Variants in ATRNL1 observed in about 807,000 individuals in gnomAD.
ATRNL1 encodes attractin like 1, also known as attractin-like protein 1.
Under a neutral mutation model 182.7 loss-of-function variants are expected in ATRNL1, and 95 were observed. The ratio of observed to expected loss-of-function variants is 0.52; its 90% CI spans 0.44 to 0.62. The LOEUF (loss-of-function observed/expected upper bound fraction) is 0.62, where lower values mean the gene tolerates loss of function less well. Among genes scored for constraint, ATRNL1 ranks in the 20% least tolerant of loss-of-function variants. ATRNL1 has a pLI of 0.00. For synonymous variants in ATRNL1, 576 were observed against 568.3 expected (o/e 1.01, Z -0.19); for missense variants, 1,471 against 1,679.5 (o/e 0.88, Z 2.17).
At chr10:115,205,362 G>T (rs782038762) in intron 8 of ATRNL1, among the ~76,000 whole-genome samples, 18 of 151,550 alleles carry the variant, frequency 1.2e-4, no homozygotes, top group Non-Finnish European at 1.8e-4. Flanking sequence ...TTATCAATAT[G>T]CTTGGATTTA....
At chr10:115,652,228 G>T (rs1860057275) in intron 26 of ATRNL1, among the ~76,000 whole-genome samples, 1 of 145,676 alleles carries the variant, frequency 6.9e-6, no homozygotes, top group African/African-American at 2.4e-5. Flanking sequence ...CATTGTTGTT[G>T]TTGTTATTTT....
chr10:115,445,430 CAAAAAAAAAA>C (rs34068379), intron 21 of ATRNL1, among the ~76,000 whole-genome samples: 2 of 26,128 alleles, frequency 7.7e-5, no homozygotes, highest in East Asian at 3.0e-3. Flanking sequence ...GATTTCGCCT[CAAAAAAAAAA>C]AAAAAAAAAA....
intron 1 of ATRNL1, among the ~76,000 whole-genome samples, chr10:115,097,391 C>A (rs1197354676): frequency 6.6e-6 from 1 of 152,124 alleles, no homozygotes; most frequent in East Asian, 1.9e-4. Flanking sequence ...GAGAGTGAGG[C>A]GGAAGAATTC....
chr10:115,613,720 G>T (rs1555019814), intron 26 of ATRNL1, among the ~76,000 whole-genome samples: 1 of 151,870 alleles, frequency 6.6e-6, no homozygotes, highest in South Asian at 2.1e-4. Context: ...ATATGTTTGG[G>T]TTTTCTATTT....
At chr10:115,125,414 C>T (rs1334822024) in intron 3 of ATRNL1, among the ~76,000 whole-genome samples, 1 of 151,962 alleles carries the variant, frequency 6.6e-6, no homozygotes, top group Non-Finnish European at 1.5e-5. Context: ...CTTGCTTGTA[C>T]ACCACACTAA....
At chr10:115,286,431 T>C in intron 15 of ATRNL1, 34 bp downstream of exon 15, 1 of 1,302,920 alleles carries the variant, frequency 7.7e-7, no homozygotes, top group Non-Finnish European at 1.0e-6. Flanking sequence ...TATGGAAATA[T>C]GCTATGATAA....
intron 28 of ATRNL1, among the ~76,000 whole-genome samples, chr10:115,856,691 C>T (rs1951197344): frequency 6.6e-6 from 1 of 152,072 alleles, no homozygotes; most frequent in Non-Finnish European, 1.5e-5. Flanking sequence ...AGATCCCTCA[C>T]ATGCGCAGTT....
intron 28 of ATRNL1, among the ~76,000 whole-genome samples, chr10:115,913,320 C>A (rs1412608606): frequency 6.6e-6 from 1 of 152,154 alleles, no homozygotes; most frequent in Non-Finnish European, 1.5e-5. Flanking sequence ...CCACACCAGC[C>A]CCCAAAGGTG....
chr10:115,138,146 T>C (rs782223018), intron 5 of ATRNL1, among the ~76,000 whole-genome samples: 24 of 152,324 alleles, frequency 1.6e-4, no homozygotes, highest in Non-Finnish European at 2.5e-4. Context: ...TGGGCTCCCA[T>C]GGTCTTGGGC....
chr10:115,456,882 C>T (rs1383742666), intron 21 of ATRNL1, among the ~76,000 whole-genome samples: 2 of 152,060 alleles, frequency 1.3e-5, no homozygotes, highest in African/African-American at 4.8e-5. Context: ...TGTAGTTCAG[C>T]AAGTGGGAGG....
intron 25 of ATRNL1, among the ~76,000 whole-genome samples, chr10:115,527,449 A>G (rs1176668631): frequency 1.3e-5 from 2 of 152,100 alleles, no homozygotes; most frequent in Non-Finnish European, 1.5e-5. Flanking sequence ...GGTTGGCACA[A>G]TGGAGTTATT....
chr10:115,202,056 G>T (rs12244755), intron 8 of ATRNL1, among the ~76,000 whole-genome samples: 3,627 of 151,762 alleles, frequency 0.024, 143 homozygotes, highest in African/African-American at 0.083. Context: ...GTATAAGAAT[G>T]CTTGTGATTT....
chr10:115,150,714 AT>A (rs1243831704), intron 5 of ATRNL1, among the ~76,000 whole-genome samples: 1 of 151,490 alleles, frequency 6.6e-6, no homozygotes, highest in Non-Finnish European at 1.5e-5. Flanking sequence ...TGATTTTTAA[AT>A]TTTTTTTGAA....
At chr10:115,488,480 T>G (rs889566954) in intron 24 of ATRNL1, among the ~76,000 whole-genome samples, 1 of 152,230 alleles carries the variant, frequency 6.6e-6, no homozygotes, top group East Asian at 1.9e-4. Context: ...ATTTATCCAT[T>G]TCTTCTAGAT....
intron 27 of ATRNL1, among the ~76,000 whole-genome samples, chr10:115,843,370 T>G (rs11813390): frequency 0.062 from 9,444 of 152,040 alleles, 976 homozygotes; most frequent in African/African-American, 0.21. Context: ...AAATAGACAT[T>G]TACCCAGCTG....
chr10:115,914,187 A>C (rs1952774526), intron 28 of ATRNL1, among the ~76,000 whole-genome samples: 2 of 152,186 alleles, frequency 1.3e-5, no homozygotes, highest in African/African-American at 2.4e-5. Flanking sequence ...CCATGATTGT[A>C]AGTTTCTTGA....
chr10:115,882,827 T>C (rs1237598233), intron 28 of ATRNL1, among the ~76,000 whole-genome samples: 1 of 152,226 alleles, frequency 6.6e-6, no homozygotes, highest in African/African-American at 2.4e-5. Flanking sequence ...TGTCTACAGG[T>C]ACTTCACCCT....
chr10:115,269,539 G>C (rs917525897), intron 13 of ATRNL1, among the ~76,000 whole-genome samples: 8 of 151,988 alleles, frequency 5.3e-5, no homozygotes, highest in Admixed American at 4.6e-4. Flanking sequence ...TCACCATGTT[G>C]GCCAGGCTGG....
At chr10:115,781,716 A>C (rs1949270334) in intron 27 of ATRNL1, among the ~76,000 whole-genome samples, 1 of 152,064 alleles carries the variant, frequency 6.6e-6, no homozygotes, top group Non-Finnish European at 1.5e-5. Flanking sequence ...AAAATCTTTT[A>C]TTTTTCTCCT....
Sources: gnomAD v4.1 joint callset for allele counts (sites outside exome capture counted in the v4.1 genomes callset) on GRCh38, gnomAD v4.1.1 for gene constraint, MANE v1.5 for transcripts, NCBI Gene and HGNC (gene_info 2026-07-23, HGNC 2026-07-21) for gene names.